Variants in NUMB observed in about 807,000 individuals in gnomAD.
NUMB encodes NUMB endocytic adaptor protein.
A neutral mutation model predicts 59.7 loss-of-function variants in NUMB; 29 were observed. The ratio of observed to expected loss-of-function variants is 0.49; its 90% confidence interval spans 0.36 to 0.66. The LOEUF is 0.66. Ranked by LOEUF, NUMB falls within the 30% of genes least tolerant of loss-of-function variation. The pLI is 0.00. For missense variants in NUMB, 723 were observed against 822.0 expected, an observed-to-expected ratio of 0.88 and a Z score of 1.47; for synonymous variants, 288 against 288.2, an observed-to-expected ratio of 1.00 and a Z score of 0.01.
At chr14:73,323,250 T>A in intron 4 of NUMB, 46 bp from the exon 5 acceptor site, 1 of 1,298,794 alleles carries the variant, frequency 7.7e-7, no homozygotes, top group Non-Finnish European at 1.1e-6. Context: ...GTTTACCAAG[T>A]AGCTACTATA....
At chr14:73,413,607 A>C (rs1054879133) in intron 1 of NUMB, among the ~76,000 whole-genome samples, 2 of 151,642 alleles carry the variant, frequency 1.3e-5, no homozygotes, top group Non-Finnish European at 2.9e-5. Context: ...AAAATACAAA[A>C]ATTAGCTAGG....
chr14:73,299,583 TGTC>T, intron 6 of NUMB, among the ~76,000 whole-genome samples: 1 of 130,188 alleles, frequency 7.7e-6, no homozygotes, highest in South Asian at 3.0e-4. Flanking sequence ...ACATGACATA[TGTC>T]ATGTCATATA....
intron 1 of NUMB, among the ~76,000 whole-genome samples, chr14:73,416,159 G>C (rs144041908): frequency 5.7e-4 from 87 of 152,224 alleles, no homozygotes; most frequent in Non-Finnish European, 1.1e-3. Context: ...TTTACATCCA[G>C]GTATCTGCCA....
At chr14:73,358,107 A>G (rs894167950) in intron 3 of NUMB, among the ~76,000 whole-genome samples, 16 of 152,070 alleles carry the variant, frequency 1.1e-4, no homozygotes, top group Non-Finnish European at 1.6e-4. Context: ...CCCTCTCCCC[A>G]ACTATTCCAG....
At chr14:73,372,365 T>TTATATA (rs34052943) in intron 2 of NUMB, among the ~76,000 whole-genome samples, 1 of 123,208 alleles carries the variant, frequency 8.1e-6, no homozygotes, top group Non-Finnish European at 1.7e-5. Flanking sequence ...ATATAACCTT[T>TTATATA]TATATATATA....
chr14:73,354,629 C>T (rs1331113786), intron 4 of NUMB, among the ~76,000 whole-genome samples: 1 of 151,348 alleles, frequency 6.6e-6, no homozygotes, highest in Non-Finnish European at 1.5e-5. Context: ...AGTTCAAGGC[C>T]AGCCTGGCCA....
chr14:73,394,292 G>A (rs1400127167), intron 2 of NUMB, among the ~76,000 whole-genome samples: 1 of 151,594 alleles, frequency 6.6e-6, no homozygotes, highest in Non-Finnish European at 1.5e-5. Flanking sequence ...ATGTTTTGAT[G>A]TATGTATACA....
intron 2 of NUMB, among the ~76,000 whole-genome samples, chr14:73,370,013 CA>C (rs1431101121): frequency 6.6e-6 from 1 of 152,090 alleles, no homozygotes; most frequent in African/African-American, 2.4e-5. Flanking sequence ...TTCTTTCACT[CA>C]ATATTGTCTA....
intron 8 of NUMB, among the ~76,000 whole-genome samples, chr14:73,288,508 G>A (rs954642128): frequency 4.6e-5 from 7 of 152,170 alleles, no homozygotes; most frequent in African/African-American, 1.7e-4. Context: ...CTGAGATGGC[G>A]CCATTGCACT....
chr14:73,390,145 A>G (rs924898724), intron 2 of NUMB, among the ~76,000 whole-genome samples: 9 of 152,242 alleles, frequency 5.9e-5, no homozygotes, highest in Non-Finnish European at 1.2e-4. Context: ...TAAATGTAAA[A>G]GAATGTTCAT....
intron 6 of NUMB, chr14:73,298,491 T>C (rs1355003629): frequency 1.3e-5 from 2 of 152,190 alleles, no homozygotes; most frequent in African/African-American, 2.4e-5. Context: ...GAGAATCACA[T>C]GAGAACAAGC....
At chr14:73,344,965 T>C (rs749342311) in intron 4 of NUMB, among the ~76,000 whole-genome samples, 16 of 152,226 alleles carry the variant, frequency 1.1e-4, no homozygotes, top group Non-Finnish European at 1.9e-4. Context: ...TGATGAAGCA[T>C]ACTGTTTAAA....
At chr14:73,325,773 C>T (rs1429410140) in intron 4 of NUMB, among the ~76,000 whole-genome samples, 1 of 152,116 alleles carries the variant, frequency 6.6e-6, no homozygotes, top group Non-Finnish European at 1.5e-5. Flanking sequence ...CAGGAGTCCC[C>T]CTCTCTTTTA....
intron 3 of NUMB, among the ~76,000 whole-genome samples, chr14:73,358,602 CTTTTTTTTTTT>C (rs35552161): frequency 1.7e-5 from 2 of 118,936 alleles, no homozygotes; most frequent in Non-Finnish European, 1.8e-5. Context: ...GAAAGCTAGA[CTTTTTTTTTTT>C]TTTTTTTTTT....
intron 3 of NUMB, among the ~76,000 whole-genome samples, chr14:73,359,389 A>C (rs987114609): frequency 6.6e-6 from 1 of 152,208 alleles, no homozygotes; most frequent in Admixed American, 6.5e-5. Flanking sequence ...CTTTAGAGAT[A>C]AAAATACATA....
At chr14:73,431,573 C>T (rs997415360) in intron 1 of NUMB, among the ~76,000 whole-genome samples, 6 of 151,334 alleles carry the variant, frequency 4.0e-5, no homozygotes, top group African/African-American at 1.5e-4. Flanking sequence ...ATGGTGAAAC[C>T]CTGTCTCTAC....
intron 1 of NUMB, among the ~76,000 whole-genome samples, chr14:73,420,979 C>A (rs547755429): frequency 1.3e-5 from 2 of 151,558 alleles, no homozygotes; most frequent in African/African-American, 2.4e-5. Context: ...CAACAAAATG[C>A]GGAAAAAAAA....
chr14:73,307,834 G>A (rs1409703585), intron 6 of NUMB, among the ~76,000 whole-genome samples: 10 of 144,672 alleles, frequency 6.9e-5, no homozygotes, highest in African/African-American at 2.6e-5. Flanking sequence ...CCGGGTTCAC[G>A]CCATTCTCCT....
At chr14:73,347,806 GT>G (rs1437846194) in intron 4 of NUMB, among the ~76,000 whole-genome samples, 2 of 152,032 alleles carry the variant, frequency 1.3e-5, no homozygotes, top group Non-Finnish European at 2.9e-5. Flanking sequence ...TTCTTCAAAG[GT>G]TTGTTCTAGG....
Sources: allele counts gnomAD v4.1 joint callset (sites outside exome capture counted in the v4.1 genomes callset), GRCh38; gene constraint gnomAD v4.1.1; transcripts MANE v1.5; gene names NCBI Gene and HGNC (gene_info 2026-07-23, HGNC 2026-07-21).